Variants in MPP4 observed in about 807,000 individuals in gnomAD.
The protein encoded by MPP4 is MAGUK p55 scaffold protein 4.
A neutral mutation model predicts 98.3 loss-of-function variants in MPP4; 91 were observed. The observed-to-expected ratio is 0.93, with a 90% CI of 0.78 to 1.10. The LOEUF (loss-of-function observed/expected upper bound fraction) is 1.10. Ranked by LOEUF, MPP4 falls within the 50% of genes least tolerant of loss-of-function variation. The pLI, the probability that MPP4 is intolerant of heterozygous loss-of-function variation, is 0.00. For missense variants in MPP4, 744 were observed against 792.9 expected (o/e 0.94, Z 0.74); for synonymous variants, 261 against 271.8 (o/e 0.96, Z 0.39).
At chr2:201,682,397 A>C (rs917869317) in intron 8 of MPP4, among the ~76,000 whole-genome samples, 3 of 152,210 alleles carry the variant, frequency 2.0e-5, no homozygotes, top group African/African-American at 7.2e-5. Context: ...ATCCACTATA[A>C]GAAAGGCTGC....
intron 2 of MPP4, 61 bp downstream of exon 2, chr2:201,693,815 G>T: frequency 6.3e-7 from 1 of 1,580,208 alleles, no homozygotes; most frequent in South Asian, 1.1e-5. Context: ...CTATTCATTT[G>T]ATCACATGTC....
At chr2:201,647,529 A>T (rs1216541794) in intron 21 of MPP4, among the ~76,000 whole-genome samples, 162 bp downstream of exon 21, 14 of 151,912 alleles carry the variant, frequency 9.2e-5, no homozygotes, top group Admixed American at 4.6e-4. Context: ...TTTTTTTTTT[A>T]AATAAAACCA....
intron 10 of MPP4, among the ~76,000 whole-genome samples, chr2:201,677,720 C>T (rs563388898): frequency 1.3e-5 from 2 of 152,280 alleles, no homozygotes; most frequent in Admixed American, 1.3e-4. Context: ...TGAATCAGAT[C>T]CTCAGAGAGG....
chr2:201,691,953 C>T (rs1257802107), intron 3 of MPP4, among the ~76,000 whole-genome samples: 8 of 152,150 alleles, frequency 5.3e-5, no homozygotes, highest in South Asian at 2.1e-4. Flanking sequence ...CAAGGACAAA[C>T]GGTTGTAGCC....
At chr2:201,651,064 C>A in intron 18 of MPP4, 1 of 985,336 alleles carries the variant, frequency 1.0e-6, no homozygotes, top group Non-Finnish European at 1.2e-6. Flanking sequence ...ACTCTGCATC[C>A]TATATACTGT....
In MPP4 at chr2:201,685,106, A is replaced by T. The variant is rs902276687; in HGVS notation, c.532T>A (p.Leu178Met). The change falls in exon 7 of 22, where the codon TTG (leucine) becomes ATG (methionine). Residue 178 changes from leucine to methionine, a missense_variant. Coordinates refer to ENST00000409474, the MANE Select transcript of MPP4 (RefSeq NM_033066.3). ...IKRHEMTGDI[L>M]VARIIHGGLA... is the part of the protein sequence containing the mutation. ...CCACCGTGGATGATCCTGGCCACCA[A>T]GATGTCCCCTGTCATCTCGTGGCGC... is the stretch of plus-strand genomic sequence containing the variant. 9.3e-6 allele frequency: 15 copies of T among 1,612,336 alleles called. No homozygotes were observed. The highest frequency in any genetic ancestry group is 1.3e-5 in the African/African-American group (1 of 74,872).
In MPP4 at chr2:201,685,921, G is replaced by T; in HGVS notation, c.490C>A (p.Leu164Met). Reference protein sequence around the residue: ...IVCLVKNQQPLGATIKRHEMT... With the variant: ...IVCLVKNQQPMGATIKRHEMT... ...AAGATAAAAAATGATTTCCTTACCA[G>T]GGGCTGTTGGTTTTTCACTAAACAA... The change falls in exon 6 of 22, where the codon CTG (leucine) becomes ATG (methionine). Residue 164 changes from leucine to methionine, a missense_variant and splice_region_variant. By Grantham distance (15) the Leu-to-Met change is conservative. Coordinates refer to ENST00000409474, the MANE Select transcript of MPP4 (RefSeq NM_033066.3). 1 of 1,610,790 alleles carries T rather than the reference G, an allele frequency of 6.2e-7. No individual in the cohort carries two copies. Among genetic ancestry groups the T allele is most frequent in the South Asian group, 1.1e-5 (1 of 90,974 alleles).
chr2:201,664,461 A>C, intron 13 of MPP4: 1 of 945,808 alleles, frequency 1.1e-6, no homozygotes, highest in Non-Finnish European at 1.4e-6. Context: ...GCTTTGCTGC[A>C]GAGGGCTTGC....
At chr2:201,658,863 A>G (rs1234716738) in intron 15 of MPP4, among the ~76,000 whole-genome samples, 2 of 152,198 alleles carry the variant, frequency 1.3e-5, no homozygotes, top group African/African-American at 2.4e-5. Flanking sequence ...ATGATTCAGT[A>G]TCATATAACT....
chr2:201,687,178 A>T, intron 5 of MPP4, 113 bp downstream of exon 5: 1 of 857,550 alleles, frequency 1.2e-6, no homozygotes, highest in Non-Finnish European at 1.9e-6. Flanking sequence ...GTAACCGTGT[A>T]CAGTAATAGA....
chr2:201,651,899 G>T, intron 18 of MPP4: 1 of 513,134 alleles, frequency 1.9e-6, no homozygotes, highest in Non-Finnish European at 2.5e-6. Flanking sequence ...GTTGTAGTGA[G>T]CCGAGATAAC....
chr2:201,678,148 A>G (rs1688565543), intron 10 of MPP4, among the ~76,000 whole-genome samples: 1 of 151,898 alleles, frequency 6.6e-6, no homozygotes, highest in South Asian at 2.1e-4. Context: ...AGAACTTCCT[A>G]TCATTCTTTG....
chr2:201,651,597 G>T, intron 18 of MPP4: 1 of 984,242 alleles, frequency 1.0e-6, no homozygotes, highest in Non-Finnish European at 1.2e-6. Context: ...AAAAATCTAC[G>T]TTGATATTCT....
chr2:201,657,610 T>TTTTTTTTTTTTTTTTTTC (rs1687892710), intron 16 of MPP4, among the ~76,000 whole-genome samples: 1 of 137,606 alleles, frequency 7.3e-6, no homozygotes. Flanking sequence ...TGTTTTTTTG[T>TTTTTTTTTTTTTTTTTTC]TTTTTTTTGC....
intron 18 of MPP4, chr2:201,651,990 A>G: frequency 1.0e-6 from 1 of 969,444 alleles, no homozygotes; most frequent in Non-Finnish European, 1.2e-6. Flanking sequence ...AAAAGAAAGA[A>G]AAGGAAAATG....
In MPP4 at chr2:201,692,843, C is replaced by T. The variant is rs1198817227; in HGVS notation, c.201+65G>A. The T allele has an allele frequency of 2.5e-6, 4 of 1,571,324 alleles. No individual in the cohort carries two copies. In the South Asian group the frequency reaches 3.6e-5, roughly 14 times the overall value. ...TCCAGCCTGAATGGACTGAAGCTGTCATTTTCTACACACTCCCCACAACCC... is the reference window on the plus strand; with the variant it reads ...TCCAGCCTGAATGGACTGAAGCTGTTATTTTCTACACACTCCCCACAACCC... On this transcript the variant is annotated intron_variant, in intron 3 of 21. Transcript: ENST00000409474.
Position 201,693,874 on chromosome 2 carries a change from A to G in MPP4, c.79+2T>C, listed in dbSNP as rs773422740. 178 of 1,613,838 alleles carry G rather than the reference A, an allele frequency of 1.1e-4. No homozygotes were observed. The highest frequency in any genetic ancestry group is 1.3e-4 in the Non-Finnish European group (159 of 1,179,848). ...TAGAAAAGGAGTCCTGGTGACACAT[A>G]CCATTCTGTGGATTGGTGGCTGTAG... On this transcript the variant is annotated splice_donor_variant, in intron 2 of 21. Coordinates refer to ENST00000409474, the MANE Select transcript of MPP4 (RefSeq NM_033066.3). LOFTEE classifies it high-confidence loss of function.
At chr2:201,662,189 C>A in intron 14 of MPP4, 1 of 189,002 alleles carries the variant, frequency 5.3e-6, no homozygotes, top group South Asian at 9.5e-5. Context: ...ATACAATGCT[C>A]CAGCTGTAAC....
chr2:201,660,276 C>A, intron 15 of MPP4, 56 bp downstream of exon 15: 1 of 1,479,788 alleles, frequency 6.8e-7, no homozygotes, highest in Non-Finnish European at 9.4e-7. Flanking sequence ...TTTTGAGGCA[C>A]TGAAAGATCT....
Sources: gnomAD v4.1 joint callset for allele counts (sites outside exome capture counted in the v4.1 genomes callset) on GRCh38, gnomAD v4.1.1 for gene constraint, MANE v1.5 for transcripts, NCBI Gene and HGNC (gene_info 2026-07-23, HGNC 2026-07-21) for gene names.